Variants in TBC1D10A observed in about 807,000 individuals in gnomAD.
The protein encoded by TBC1D10A is TBC1 domain family member 10A.
TBC1D10A carries 24 observed loss-of-function variants against 52.9 expected under a neutral mutation model. That is an observed-to-expected ratio of 0.45 (90% CI 0.33 to 0.64). The LOEUF is 0.64. TBC1D10A is among the 30% of genes least tolerant of loss of function. The pLI, the probability that TBC1D10A is intolerant of heterozygous loss-of-function variation, is 0.02. For synonymous variants in TBC1D10A, 278 were observed against 282.9 expected (o/e 0.98, Z 0.17); for missense variants, 602 against 687.9 (o/e 0.88, Z 1.40).
chr22:30,314,903 C>A (rs1247677595), intron 1 of TBC1D10A, among the ~76,000 whole-genome samples: 1 of 152,146 alleles, frequency 6.6e-6, no homozygotes, highest in Non-Finnish European at 1.5e-5. Context: ...AACTCAGACT[C>A]CTTCCCCAAG....
chr22:30,307,203 G>C (rs1930326168), intron 1 of TBC1D10A, among the ~76,000 whole-genome samples: 1 of 152,192 alleles, frequency 6.6e-6, no homozygotes, highest in Non-Finnish European at 1.5e-5. Flanking sequence ...CCAATTGCTA[G>C]TGAGAGAGAA....
chr22:30,305,504 A>T (rs1930292972), intron 1 of TBC1D10A: 1 of 152,324 alleles, frequency 6.6e-6, no homozygotes, highest in Non-Finnish European at 1.5e-5. Flanking sequence ...GCGTTCAATC[A>T]GTGGAAAAAC....
intron 1 of TBC1D10A, among the ~76,000 whole-genome samples, chr22:30,325,825 T>G (rs1452974567): frequency 6.6e-6 from 1 of 152,078 alleles, no homozygotes; most frequent in Non-Finnish European, 1.5e-5. Context: ...ACGCCCAAGA[T>G]CTGCCCTTGG....
chr22:30,295,617 T>C (rs1930061016), intron 4 of TBC1D10A, 120 bp downstream of exon 4: 1 of 925,660 alleles, frequency 1.1e-6, no homozygotes, highest in Admixed American at 2.2e-5. Flanking sequence ...AAAAGGGAAA[T>C]GCTAAGAGTG....
chr22:30,326,845 G>A lies in TBC1D10A; in HGVS notation c.37C>T (p.Pro13Ser), dbSNP rs543791449. The change falls in exon 1 of 9, where the codon CCC becomes TCC. Residue 13 changes from proline to serine, a missense_variant. Physicochemically the swap from Pro to Ser is moderately conservative, Grantham distance 74. This residue lies in a region of TBC1D10A where 201 missense variants were observed against 204.4 expected (regional missense o/e 0.98). Transcript: ENST00000215790. ...CCCGACAGGCTTTCCCCGGCCGCGG[G>A]CGCGCGCGGCCCATTCTCTCCGTTG... is the stretch of plus-strand genomic sequence containing the variant. ...KSNGENGPRA[P>S]AAGESLSGTR... 2 of 1,474,284 alleles carry A rather than the reference G, an allele frequency of 1.4e-6. No individual in the cohort carries two copies. The highest frequency in any genetic ancestry group is 2.8e-5 in the East Asian group (1 of 36,334). The allele number at this position is 1,474,284 out of a possible 1,614,324, so 91.3% of individuals were successfully genotyped here. A position where few individuals can be genotyped will look rare whatever the true frequency, so the allele number is the denominator to read the frequency against.
intron 3 of TBC1D10A, chr22:30,298,345 T>G (rs1217723188): frequency 6.6e-6 from 1 of 152,240 alleles, no homozygotes; most frequent in Admixed American, 6.5e-5. Flanking sequence ...ATTGGTGCTC[T>G]GGGGAATAAT....
At chr22:30,323,859 T>G (rs894295922) in intron 1 of TBC1D10A, among the ~76,000 whole-genome samples, 1 of 152,118 alleles carries the variant, frequency 6.6e-6, no homozygotes, top group African/African-American at 2.4e-5. Flanking sequence ...GCCTCCCAGC[T>G]ACTCAGGAGG....
chr22:30,320,214 G>C (rs890631606), intron 1 of TBC1D10A, among the ~76,000 whole-genome samples: 7 of 152,302 alleles, frequency 4.6e-5, no homozygotes, highest in African/African-American at 1.7e-4. Context: ...TCCGGACTCT[G>C]GCCTATGGGA....
intron 1 of TBC1D10A, among the ~76,000 whole-genome samples, chr22:30,317,951 A>G (rs1293842639): frequency 1.3e-5 from 2 of 152,094 alleles, no homozygotes; most frequent in African/African-American, 2.4e-5. Flanking sequence ...TGGGTGAGGG[A>G]TGTGCCTAAG....
At chr22:30,295,686 A>C (rs1569159194) in intron 4 of TBC1D10A, 51 bp downstream of exon 4, 1 of 1,582,632 alleles carries the variant, frequency 6.3e-7, no homozygotes, top group South Asian at 1.1e-5. Flanking sequence ...TAGACCCCTT[A>C]GAGACAGGCC....
intron 1 of TBC1D10A, among the ~76,000 whole-genome samples, chr22:30,315,535 T>C (rs1163812842): frequency 6.6e-6 from 1 of 152,170 alleles, no homozygotes; most frequent in African/African-American, 2.4e-5. Context: ...AGTACTGGGA[T>C]TATAGGCATG....
intron 1 of TBC1D10A, among the ~76,000 whole-genome samples, chr22:30,314,418 C>T (rs1930490780): frequency 1.3e-5 from 2 of 152,206 alleles, no homozygotes; most frequent in Admixed American, 6.5e-5. Flanking sequence ...GTGAAAGCCT[C>T]GTCCACCATA....
chr22:30,298,451 C>T (rs1930131257), intron 3 of TBC1D10A: 1 of 152,430 alleles, frequency 6.6e-6, no homozygotes, highest in South Asian at 2.1e-4. Flanking sequence ...CTCTCGCCCT[C>T]TCCAGGTCAA....
At position 30,295,073 on chromosome 22, in the gene TBC1D10A, AGAGCAGTGAT is replaced by A; in HGVS notation, c.525-28_525-19del. ...CCTGCTGGCTGTGGAGAGGCCGGGC[AGAGCAGTGAT>A]GACCGGGGTGACTCTGCTACCCACG... On this transcript the variant is annotated intron_variant, in intron 4 of 8. Transcript: ENST00000215790. The A allele has an allele frequency of 6.2e-7, 1 of 1,612,442 alleles. No homozygotes were observed. Among genetic ancestry groups the A allele is most frequent in the Non-Finnish European group, 8.5e-7 (1 of 1,179,410 alleles).
rs967461301 is a variant in TBC1D10A at position 30,293,618 on chromosome 22, C to T, written c.1050+33G>A. 3.0e-5 allele frequency: 48 copies of T among 1,583,716 alleles called. No individual in the cohort carries two copies. In the Admixed American group the frequency reaches 7.3e-4, roughly 24 times the overall value. On this transcript the variant is annotated intron_variant, in intron 8 of 8. Coordinates refer to ENST00000215790, the MANE Select transcript of TBC1D10A (RefSeq NM_031937.3). ...AAAGGACCCCCACCTGTCTTCCTCC[C>T]TCCCCATGATAAGGGGCAGGCATGG... is the stretch of plus-strand genomic sequence containing the variant.
At chr22:30,308,778 T>G (rs1930369725) in intron 1 of TBC1D10A, among the ~76,000 whole-genome samples, 1 of 152,212 alleles carries the variant, frequency 6.6e-6, no homozygotes. Context: ...CATCATTACC[T>G]TCATCTGCAC....
At chr22:30,293,171 G>A (rs1159695348) in intron 8 of TBC1D10A, 10 of 635,202 alleles carry the variant, frequency 1.6e-5, no homozygotes, top group African/African-American at 9.1e-5. Flanking sequence ...GTCACCCACC[G>A]CTGCCCAGGG....
At chr22:30,316,920 T>C (rs1408222195) in intron 1 of TBC1D10A, among the ~76,000 whole-genome samples, 2 of 151,732 alleles carry the variant, frequency 1.3e-5, no homozygotes. Context: ...CAGCCTGTAA[T>C]CCCAGCTACT....
chr22:30,304,035 G>T (rs1930261019), intron 2 of TBC1D10A, among the ~76,000 whole-genome samples: 1 of 152,174 alleles, frequency 6.6e-6, no homozygotes, highest in Admixed American at 6.5e-5. Flanking sequence ...TGGCTAAGAG[G>T]GCAGGTGCTA....
Sources: allele counts gnomAD v4.1 joint callset (sites outside exome capture counted in the v4.1 genomes callset), GRCh38; gene constraint gnomAD v4.1.1; regional missense constraint gnomAD v4.1.1; transcripts MANE v1.5; gene names NCBI Gene and HGNC (gene_info 2026-07-23, HGNC 2026-07-21).